DPH6: variants seen among roughly 807,000 people sequenced by gnomAD.
DPH6 encodes diphthamine biosynthesis 6.
Under a neutral mutation model 38.2 loss-of-function variants are expected in DPH6, and 33 were observed. The ratio of observed to expected loss-of-function variants is 0.86; its 90% CI spans 0.65 to 1.15. The LOEUF is 1.15. Among genes scored for constraint, DPH6 ranks in the 50% most tolerant of loss-of-function variants. DPH6 has a pLI of 0.00. For synonymous variants in DPH6, 108 were observed against 103.0 expected, an observed-to-expected ratio of 1.05 and a Z score of -0.30; for missense variants, 325 against 320.0, an observed-to-expected ratio of 1.02 and a Z score of -0.12.
At chr15:35,367,339 T>C (rs2052669916), downstream of DPH6, among the ~76,000 whole-genome samples, 1 of 151,928 alleles carries the variant, frequency 6.6e-6, no homozygotes, top group Admixed American at 6.6e-5. Context: ...TTTAAAATAC[T>C]ATTTTCCATA....
intron 3 of DPH6, among the ~76,000 whole-genome samples, chr15:35,225,758 C>T (rs1268627675): frequency 2.0e-5 from 3 of 152,186 alleles, no homozygotes; most frequent in Admixed American, 6.5e-5. Flanking sequence ...CAATGATTTA[C>T]TTATCTTTGA....
intron 5 of DPH6, among the ~76,000 whole-genome samples, chr15:35,426,143 G>C (rs1406918185): frequency 6.6e-6 from 1 of 151,366 alleles, no homozygotes; most frequent in Non-Finnish European, 1.5e-5. Context: ...GAAAATGGTA[G>C]ATAATTTACA....
exon 4 of DPH6, chr15:35,219,594 T>G (rs1595433018): frequency 6.6e-6 from 1 of 152,204 alleles, no homozygotes; most frequent in East Asian, 1.9e-4. Context: ...TTCTGTGTAT[T>G]TAGATTCATA....
intron 3 of DPH6, among the ~76,000 whole-genome samples, chr15:35,510,744 T>C (rs1376234956): frequency 6.6e-6 from 1 of 152,162 alleles, no homozygotes; most frequent in Admixed American, 6.5e-5. Flanking sequence ...ATACATGTCA[T>C]CATTAGTCTA....
the DPH6 span, among the ~76,000 whole-genome samples, chr15:35,195,148 T>C: frequency 6.6e-6 from 1 of 152,210 alleles, no homozygotes; most frequent in Non-Finnish European, 1.5e-5. Context: ...AGTTCTGGCA[T>C]ATGAGTGAGA....
chr15:35,236,723 T>C (rs2051554832), intron 3 of DPH6, among the ~76,000 whole-genome samples: 1 of 152,146 alleles, frequency 6.6e-6, no homozygotes, highest in African/African-American at 2.4e-5. Flanking sequence ...CTAATGGTAA[T>C]CTGACCATGA....
intron 3 of DPH6, among the ~76,000 whole-genome samples, chr15:35,224,857 A>G (rs2051469413): frequency 1.3e-5 from 2 of 152,240 alleles, no homozygotes; most frequent in South Asian, 4.1e-4. Context: ...GGTAATACAG[A>G]GAATTCCTGT....
chr15:35,321,026 C>G (rs764931621), intron 3 of DPH6, among the ~76,000 whole-genome samples: 3 of 152,176 alleles, frequency 2.0e-5, no homozygotes, highest in Non-Finnish European at 4.4e-5. Flanking sequence ...GTGATGTTAT[C>G]TACAGGAGCA....
downstream of DPH6, among the ~76,000 whole-genome samples, chr15:35,367,651 A>G (rs2052672410): frequency 1.3e-5 from 2 of 151,782 alleles, no homozygotes; most frequent in Admixed American, 6.6e-5. Flanking sequence ...TCCCATGTTT[A>G]GTTGATATCA....
chr15:35,247,211 T>C lies in DPH6; in HGVS notation n.201-26629A>G, dbSNP rs1285640399. On this transcript the variant is annotated intron_variant and non_coding_transcript_variant, in intron 3 of 3. Coordinates refer to the DPH6 transcript ENST00000560386. ...GACTTTTATAGCATCTTTCTTTGAA[T>C]ATCATATGATCATTATGGCACATTG... 2.6e-5 allele frequency among the ~76,000 whole-genome samples: 4 copies of C among 152,334 alleles called. No individual in the cohort carries two copies. The East Asian group carries it at 7.7e-4, about 29-fold the overall frequency.
intron 3 of DPH6, among the ~76,000 whole-genome samples, chr15:35,245,641 T>G (rs1040879905): frequency 6.6e-6 from 1 of 152,208 alleles, no homozygotes; most frequent in Non-Finnish European, 1.5e-5. Flanking sequence ...GGAAGGTTGA[T>G]TTCATTTTCC....
At chr15:35,366,287 G>A (rs1274281620), downstream of DPH6, among the ~76,000 whole-genome samples, 1 of 148,294 alleles carries the variant, frequency 6.7e-6, no homozygotes, top group Non-Finnish European at 1.5e-5. Context: ...TTTCTGAAGG[G>A]GTCTTTTTAT....
intron 3 of DPH6, among the ~76,000 whole-genome samples, chr15:35,230,092 T>C (rs1366327086): frequency 6.6e-6 from 1 of 152,178 alleles, no homozygotes; most frequent in Non-Finnish European, 1.5e-5. Context: ...CAGGACTGTG[T>C]CCTTTTCTTC....
chr15:35,311,752 G>A (rs555023041), intron 3 of DPH6, among the ~76,000 whole-genome samples: 1 of 152,222 alleles, frequency 6.6e-6, no homozygotes, highest in Non-Finnish European at 1.5e-5. Context: ...CTCAACATAA[G>A]GATTTTTAAA....
At chr15:35,286,339 C>T (rs116390385) in intron 3 of DPH6, among the ~76,000 whole-genome samples, 63 of 152,258 alleles carry the variant, frequency 4.1e-4, no homozygotes, top group African/African-American at 1.4e-3. Context: ...GAGACTCATT[C>T]GCAGAGTGGC....
intron 8 of DPH6, 55 bp from the exon 9 acceptor site, chr15:35,372,258 CA>C (rs2052723121): frequency 3.7e-6 from 5 of 1,351,998 alleles, no homozygotes; most frequent in Non-Finnish European, 4.9e-6. Flanking sequence ...TATTCAGTGT[CA>C]GTGAATATGA....
intron 3 of DPH6, among the ~76,000 whole-genome samples, chr15:35,476,519 ATAATC>A (rs1318978505): frequency 3.3e-5 from 5 of 151,912 alleles, no homozygotes; most frequent in Admixed American, 6.6e-5. Flanking sequence ...TCATTTAAAC[ATAATC>A]TAAAGTTTTT....
chr15:35,266,329 G>A (rs184667522), intron 3 of DPH6, among the ~76,000 whole-genome samples: 53 of 152,252 alleles, frequency 3.5e-4, no homozygotes, highest in African/African-American at 1.3e-3. Context: ...AAACAGGAGG[G>A]CTATTATAGC....
intron 5 of DPH6, among the ~76,000 whole-genome samples, chr15:35,417,993 C>T (rs982311767): frequency 6.6e-6 from 1 of 152,006 alleles, no homozygotes. Context: ...AGCTCATGGG[C>T]TTTTTCAATG....
Sources: gnomAD v4.1 joint callset for allele counts (sites outside exome capture counted in the v4.1 genomes callset) on GRCh38, gnomAD v4.1.1 for gene constraint, MANE v1.5 for transcripts, NCBI Gene and HGNC (gene_info 2026-07-23, HGNC 2026-07-21) for gene names.